The following NFATC1 variants were observed in gnomAD, a reference collection of about 807,000 sequenced individuals.
NFATC1 encodes the protein nuclear factor of activated T-cells, cytoplasmic 1.
In NFATC1, 22 loss-of-function variants were observed where a neutral mutation model predicts 76.0. The ratio of observed to expected loss-of-function variants is 0.29; its 90% confidence interval spans 0.21 to 0.41. The LOEUF (loss-of-function observed/expected upper bound fraction) is 0.41. Ranked by LOEUF, NFATC1 falls within the 10% of genes least tolerant of loss-of-function variation. The pLI is 1.00. For synonymous variants in NFATC1, 704 were observed against 613.1 expected (o/e 1.15, Z -2.19); for missense variants, 1,357 against 1,337.7 (o/e 1.01, Z -0.23).
chr18:79,487,839 G>A lies in NFATC1; in HGVS notation c.2782+902G>A, dbSNP rs62096902. Among the ~76,000 whole-genome samples the A allele has an allele frequency of 4.4e-3, 667 of 152,234 alleles. 4 individuals carry two copies. Among genetic ancestry groups the A allele is most frequent in the Non-Finnish European group, 6.7e-3 (455 of 67,978 alleles). On this transcript the variant is annotated intron_variant, in intron 9 of 9. Coordinates refer to ENST00000427363, the MANE Select transcript of NFATC1 (RefSeq NM_001278669.2). ...CGCGTTGTGATCGGGGCGTGCCCGC[G>A]GCCCTGGTGACCACGCGTTAGAGGG...
chr18:79,429,869 C>T (rs1043903142), intron 2 of NFATC1, among the ~76,000 whole-genome samples: 2 of 152,268 alleles, frequency 1.3e-5, no homozygotes, highest in Non-Finnish European at 2.9e-5. Flanking sequence ...GTCGGGTCAA[C>T]GGCGGACTTC....
chr18:79,527,157 C>T (rs1010048002), intron 9 of NFATC1: 1 of 186,412 alleles, frequency 5.4e-6, no homozygotes, highest in Admixed American at 5.5e-5. Context: ...GAGGCTCAGG[C>T]GACACTGGTG....
At position 79,486,545 on chromosome 18, in the gene NFATC1, C is replaced by T; in HGVS notation, c.2390C>T (p.Ala797Val). ...GGACTCCCGCAGCCGGCCGGAGAGG[C>T]CCCCGCCGTCCAGGACGTGCCCAGG... ...HLGLPQPAGE[A>V]PAVQDVPRPV... The change falls in exon 9 of 10, where the codon GCC becomes GTC. Residue 797 changes from alanine to valine, a missense_variant. By Grantham distance (64) the Ala-to-Val change is moderately conservative (BLOSUM62 0). Transcript: ENST00000427363. 4 of 1,595,594 alleles carry T rather than the reference C, an allele frequency of 2.5e-6. No individual in the cohort carries two copies. Among genetic ancestry groups the T allele is most frequent in the South Asian group, 1.1e-5 (1 of 90,576 alleles).
chr18:79,429,366 A>G (rs1405035387), intron 2 of NFATC1, among the ~76,000 whole-genome samples: 2 of 151,300 alleles, frequency 1.3e-5, no homozygotes, highest in Admixed American at 1.3e-4. Context: ...ATTTCACCCG[A>G]GCTTTTTTTT....
chr18:79,503,980 C>A (rs1269151268), intron 9 of NFATC1, among the ~76,000 whole-genome samples: 2 of 152,186 alleles, frequency 1.3e-5, no homozygotes, highest in Non-Finnish European at 2.9e-5. Flanking sequence ...CATCTCTCAG[C>A]CTTCGTAGGA....
chr18:79,525,707 G>A (rs2090743525), intron 9 of NFATC1, among the ~76,000 whole-genome samples: 1 of 152,320 alleles, frequency 6.6e-6, no homozygotes, highest in South Asian at 2.1e-4. Flanking sequence ...TTCTTTTGGA[G>A]CTCCGCTGGC....
chr18:79,459,453 C>T (rs911959591), intron 6 of NFATC1, among the ~76,000 whole-genome samples: 2 of 152,200 alleles, frequency 1.3e-5, no homozygotes, highest in Non-Finnish European at 2.9e-5. Context: ...CTGTGTTGGC[C>T]TCGGCTGCAA....
chr18:79,474,333 GCTCA>G (rs1449455417), intron 8 of NFATC1, among the ~76,000 whole-genome samples: 13 of 141,672 alleles, frequency 9.2e-5, no homozygotes, highest in Non-Finnish European at 1.5e-4. Context: ...GTGTTCTCGC[GCTCA>G]CTGTCGACGT....
chr18:79,439,459 C>T (rs920743134), intron 3 of NFATC1, among the ~76,000 whole-genome samples: 4 of 152,220 alleles, frequency 2.6e-5, no homozygotes, highest in East Asian at 1.9e-4. Context: ...TGCCAAATGC[C>T]GGAGGCCTGC....
intron 2 of NFATC1, among the ~76,000 whole-genome samples, chr18:79,424,701 G>T (rs1446935873): frequency 7.2e-6 from 1 of 139,534 alleles, no homozygotes; most frequent in Non-Finnish European, 1.6e-5. Flanking sequence ...GTCTCTCTGT[G>T]TTTCTCTGTG....
At chr18:79,472,395 G>A (rs951802582) in intron 8 of NFATC1, among the ~76,000 whole-genome samples, 5 of 152,136 alleles carry the variant, frequency 3.3e-5, no homozygotes, top group Admixed American at 6.5e-5. Flanking sequence ...CTGGGCCGCC[G>A]CCCGACCTCC....
At chr18:79,476,179 G>C (rs555580205) in intron 8 of NFATC1, among the ~76,000 whole-genome samples, 115 of 152,360 alleles carry the variant, frequency 7.5e-4, no homozygotes, top group African/African-American at 2.6e-3. Context: ...GGGCAAGAGG[G>C]GCGCCCTGAG....
intron 9 of NFATC1, among the ~76,000 whole-genome samples, chr18:79,487,383 G>A (rs1454261324): frequency 6.6e-6 from 1 of 152,200 alleles, no homozygotes; most frequent in African/African-American, 2.4e-5. Flanking sequence ...CCGAGGTGAC[G>A]AGCACGTTAC....
chr18:79,422,729 G>A (rs2086141727), intron 2 of NFATC1: 1 of 152,284 alleles, frequency 6.6e-6, no homozygotes, highest in South Asian at 2.1e-4. Flanking sequence ...GGCTCCTTTT[G>A]CTTCCCAAGC....
rs1339032166 is a variant in NFATC1 at position 79,464,713 on chromosome 18, T to TATTTATTTATTTA, written c.1960-2737_1960-2736insATTTATTTATTTA. ...ATATATATTTATTTATTTATTTATT[T>TATTTATTTATTTA]TTTTTTTTTTGAGACAGGGTCTTGC... On this transcript the variant is annotated intron_variant, in intron 7 of 9. Coordinates refer to ENST00000427363, the MANE Select transcript of NFATC1 (RefSeq NM_001278669.2). 5.2e-3 allele frequency among the ~76,000 whole-genome samples: 691 copies of TATTTATTTATTTA among 134,010 alleles called. 41 individuals carry two copies. The highest frequency in any genetic ancestry group is 0.014 in the African/African-American group (506 of 36,086). 87.9% of individuals were successfully genotyped at this position (134,010 alleles called of 152,430 possible). A position where few individuals can be genotyped will look rare whatever the true frequency, so the allele number is the denominator to read the frequency against.
In NFATC1 at chr18:79,465,005, G is replaced by C. The variant is rs1157591367; in HGVS notation, c.1960-2445G>C. On this transcript the variant is annotated intron_variant, in intron 7 of 9. Coordinates refer to ENST00000427363, the MANE Select transcript of NFATC1 (RefSeq NM_001278669.2). This position sits in a 1 kb window ranked among gnomAD's most constrained non-coding sequence, Gnocchi z 4.2. ...CAGGTGTGAGCCACCGTGCCCGCCTGTGCATATTTTGTGAACAAAATGGGA... is the reference window on the plus strand; with the variant it reads ...CAGGTGTGAGCCACCGTGCCCGCCTCTGCATATTTTGTGAACAAAATGGGA... 2.0e-5 allele frequency among the ~76,000 whole-genome samples: 3 copies of C among 152,046 alleles called. No individual in the cohort carries two copies. Among genetic ancestry groups the C allele is most frequent in the Non-Finnish European group, 2.9e-5 (2 of 68,010 alleles).
At chr18:79,516,314 G>A (rs56725768) in intron 9 of NFATC1, among the ~76,000 whole-genome samples, 121 of 152,252 alleles carry the variant, frequency 7.9e-4, no homozygotes, top group African/African-American at 2.5e-3. Context: ...GGCTTATTGC[G>A]ATGAAAAAGA....
intron 1 of NFATC1, among the ~76,000 whole-genome samples, chr18:79,402,853 C>T (rs540841200): frequency 5.3e-5 from 8 of 152,366 alleles, no homozygotes; most frequent in African/African-American, 1.7e-4. Context: ...TACATTGACT[C>T]TCCAGCTTTT....
In NFATC1 at chr18:79,430,468, C is replaced by T. The variant is rs375390197; in HGVS notation, c.1227-3111C>T. Among the ~76,000 whole-genome samples the T allele has an allele frequency of 5.9e-5, 9 of 152,294 alleles. No homozygotes were observed. The East Asian group carries it at 7.7e-4, about 13-fold the overall frequency. ...TGCAATTTCGGCTCACTGCAGCCTC[C>T]GCCTCCCAGGTTCAAGCAATTCTCC... On this transcript the variant is annotated intron_variant, in intron 2 of 9. Transcript: ENST00000427363.
Sources: gnomAD v4.1 joint callset for allele counts (sites outside exome capture counted in the v4.1 genomes callset) on GRCh38, gnomAD v4.1.1 for gene constraint, Gnocchi (gnomAD v3.1) non-coding constraint, MANE v1.5 for transcripts, NCBI Gene and HGNC (gene_info 2026-07-23, HGNC 2026-07-21) for gene names.